Variants in CLEC3B observed in about 807,000 individuals in gnomAD.
The protein encoded by CLEC3B is tetranectin.
A neutral mutation model predicts 15.4 loss-of-function variants in CLEC3B; 13 were observed. The ratio of observed to expected loss-of-function variants is 0.84; its 90% CI spans 0.55 to 1.34. The LOEUF is 1.34. CLEC3B is among the 40% of genes most tolerant of loss of function. The pLI, the probability that CLEC3B is intolerant of heterozygous loss-of-function variation, is 0.00. For missense variants in CLEC3B, 242 were observed against 268.6 expected, an observed-to-expected ratio of 0.90 and a Z score of 0.69; for synonymous variants, 112 against 114.7, an observed-to-expected ratio of 0.98 and a Z score of 0.15.
rs1233941520 is a variant in CLEC3B, at chr3:45,035,874, A to G, written c.559A>G (p.Lys187Glu). Residue 187 changes from lysine (K) to glutamate (E), a missense_variant, in exon 3 of 3, where the codon AAG becomes GAG. Physicochemically the swap from Lys to Glu is moderately conservative, Grantham distance 56. Transcript: ENST00000296130. ...CGCGGCCAACGGCAAGTGGTTCGACAAGCGCTGCCGCGATCAGCTGCCCTA... is the reference window on the plus strand; with the variant it reads ...CGCGGCCAACGGCAAGTGGTTCGACGAGCGCTGCCGCGATCAGCTGCCCTA... ...SGAANGKWFD[K>E]RCRDQLPYIC... is the part of the protein sequence containing the mutation. 3 of 1,611,504 alleles carry G rather than the reference A, an allele frequency of 1.9e-6. No homozygotes were observed. Among genetic ancestry groups the G allele is most frequent in the Admixed American group, 3.3e-5 (2 of 60,004 alleles).
intron 2 of CLEC3B, among the ~76,000 whole-genome samples, chr3:45,032,580 C>T (rs563086778): frequency 6.6e-6 from 1 of 152,326 alleles, no homozygotes; most frequent in East Asian, 1.9e-4. Context: ...GTTTGCTTTT[C>T]ATTGCCCTTG....
chr3:45,035,325 C>T (rs1697622018), intron 2 of CLEC3B, among the ~76,000 whole-genome samples, 199 bp from the exon 3 acceptor site: 1 of 152,180 alleles, frequency 6.6e-6, no homozygotes, highest in South Asian at 2.1e-4. Context: ...GGATCTGGAT[C>T]TGTACATTAG....
chr3:45,032,632 C>A (rs1224584081), intron 2 of CLEC3B, among the ~76,000 whole-genome samples: 1 of 152,194 alleles, frequency 6.6e-6, no homozygotes, highest in Non-Finnish European at 1.5e-5. Flanking sequence ...TGCCACATAG[C>A]AACACTCAGT....
rs748703828 is a variant in CLEC3B, at chr3:45,035,601, G to A, written c.286G>A (p.Glu96Lys). The A allele has an allele frequency of 6.2e-7, 1 of 1,614,104 alleles. No individual in the cohort carries two copies. The highest frequency in any genetic ancestry group is 1.1e-5 in the South Asian group (1 of 91,080). The change falls in exon 3 of 3, where the codon GAG (glutamate) becomes AAG (lysine). Residue 96 changes from glutamate to lysine, a missense_variant. Transcript: ENST00000296130. ...TQTKTFHEAS[E>K]DCISRGGTLG... ...GACGAAGACCTTCCACGAGGCCAGCGAGGACTGCATCTCGCGCGGGGGCAC... is the reference window on the plus strand; with the variant it reads ...GACGAAGACCTTCCACGAGGCCAGCAAGGACTGCATCTCGCGCGGGGGCAC...
At chr3:45,027,445 T>TA (rs1233177528) in intron 1 of CLEC3B, among the ~76,000 whole-genome samples, 1 of 152,162 alleles carries the variant, frequency 6.6e-6, no homozygotes, top group Non-Finnish European at 1.5e-5. Flanking sequence ...TGGCTGCTGA[T>TA]AAAAAAATCA....
chr3:45,034,761 C>G (rs1182172452), intron 2 of CLEC3B, among the ~76,000 whole-genome samples: 1 of 152,236 alleles, frequency 6.6e-6, no homozygotes. Context: ...CGGCCTCTGA[C>G]CACAGCCTGT....
chr3:45,030,648 GC>G (rs933705326), intron 1 of CLEC3B, among the ~76,000 whole-genome samples, 178 bp from the exon 2 acceptor site: 1 of 152,228 alleles, frequency 6.6e-6, no homozygotes, highest in Non-Finnish European at 1.5e-5. Flanking sequence ...TGAAGGATGG[GC>G]CCCCTGGCAG....
chr3:45,028,335 C>T (rs919021525), intron 1 of CLEC3B, among the ~76,000 whole-genome samples: 5 of 152,164 alleles, frequency 3.3e-5, no homozygotes, highest in African/African-American at 7.2e-5. Context: ...GTGGGAGGAT[C>T]GCTTGAGGCC....
At chr3:45,033,977 T>TC (rs1377770623) in intron 2 of CLEC3B, among the ~76,000 whole-genome samples, 2 of 110,126 alleles carry the variant, frequency 1.8e-5, no homozygotes, top group Non-Finnish European at 3.6e-5. Flanking sequence ...TCAGCTGACT[T>TC]CAGGAGCCCT....
At chr3:45,031,682 C>T (rs1697557617) in intron 2 of CLEC3B, among the ~76,000 whole-genome samples, 1 of 152,198 alleles carries the variant, frequency 6.6e-6, no homozygotes, top group Non-Finnish European at 1.5e-5. Flanking sequence ...TGCCCTCTGG[C>T]CAGCATACCT....
At chr3:45,027,128 G>A (rs1697494564) in intron 1 of CLEC3B, among the ~76,000 whole-genome samples, 1 of 152,232 alleles carries the variant, frequency 6.6e-6, no homozygotes, top group Admixed American at 6.5e-5. Context: ...CTGCAGTGAG[G>A]TCACCCCAGG....
chr3:45,032,850 A>G (rs569017847), intron 2 of CLEC3B, among the ~76,000 whole-genome samples: 1 of 152,364 alleles, frequency 6.6e-6, no homozygotes, highest in African/African-American at 2.4e-5. Flanking sequence ...CATGGTCTTC[A>G]GATGGCTGCC....
intron 2 of CLEC3B, among the ~76,000 whole-genome samples, chr3:45,031,720 G>A (rs1697558393): frequency 6.6e-6 from 1 of 152,174 alleles, no homozygotes; most frequent in Non-Finnish European, 1.5e-5. Flanking sequence ...CACTCCCCAT[G>A]TTCCTGTCAT....
chr3:45,030,343 A>G, intron 1 of CLEC3B: 1 of 558,474 alleles, frequency 1.8e-6, no homozygotes, highest in Non-Finnish European at 2.3e-6. Flanking sequence ...AGAGAGGCTG[A>G]GCAGCTCGCC....
At chr3:45,035,402 G>A (rs1697623800) in intron 2 of CLEC3B, 122 bp from the exon 3 acceptor site, 1 of 1,340,760 alleles carries the variant, frequency 7.5e-7, no homozygotes, top group Non-Finnish European at 1.0e-6. Flanking sequence ...GGTCTAAGGG[G>A]CTGTCAGGAC....
chr3:45,028,743 A>G (rs1243918874), intron 1 of CLEC3B, among the ~76,000 whole-genome samples: 1 of 152,164 alleles, frequency 6.6e-6, no homozygotes, highest in South Asian at 2.1e-4. Flanking sequence ...CTGGTGCCCA[A>G]AAGTACGGGA....
At position 45,035,771 on chromosome 3, in the gene CLEC3B, C is replaced by T; in HGVS notation, c.456C>T (p.Ile152=). ...GGGTGGACATGACCGGCGCCCGCAT[C>T]GCCTACAAGAACTGGGAGACTGAGA... is the stretch of plus-strand genomic sequence containing the variant. ...GTWVDMTGAR[I]AYKNWETEIT... The change falls in exon 3 of 3, where the codon ATC becomes ATT. Residue 152 remains isoleucine, a synonymous_variant. Coordinates refer to ENST00000296130, the MANE Select transcript of CLEC3B (RefSeq NM_003278.3). 1 of 1,613,692 alleles carries T rather than the reference C, an allele frequency of 6.2e-7. No individual in the cohort carries two copies. Among genetic ancestry groups the T allele is most frequent in the Non-Finnish European group, 8.5e-7 (1 of 1,179,974 alleles).
intron 1 of CLEC3B, 106 bp downstream of exon 1, chr3:45,026,577 T>A: frequency 9.6e-7 from 1 of 1,041,824 alleles, no homozygotes; most frequent in Non-Finnish European, 1.5e-6. Context: ...TTGAGTCATC[T>A]AGGGAACTTG....
rs1436452934 is a variant in CLEC3B, at chr3:45,035,668, A to G, written c.353A>G (p.Tyr118Cys). The change falls in exon 3 of 3, where the codon TAT becomes TGT. Residue 118 changes from tyrosine to cysteine, a missense_variant. Tyr to Cys is a radical substitution (Grantham distance 194, BLOSUM62 -2). Transcript: ENST00000296130. ...ACTGGCTCGGAGAACGACGCCCTGT[A>G]TGAGTACCTGCGCCAGAGCGTGGGC... ...PQTGSENDALYEYLRQSVGNE... is the reference protein window; with the variant it reads ...PQTGSENDALCEYLRQSVGNE... The G allele has an allele frequency of 2.5e-6, 4 of 1,613,612 alleles. No individual in the cohort carries two copies. The Admixed American group carries it at 5.0e-5, about 20-fold the overall frequency.
Sources: gnomAD v4.1 joint callset for allele counts (sites outside exome capture counted in the v4.1 genomes callset) on GRCh38, gnomAD v4.1.1 for gene constraint, MANE v1.5 for transcripts, NCBI Gene and HGNC (gene_info 2026-07-23, HGNC 2026-07-21) for gene names.